The following MSRB3 variants were observed in gnomAD, a reference collection of about 807,000 sequenced individuals.
MSRB3 encodes methionine sulfoxide reductase B3.
In MSRB3, 13 loss-of-function variants were observed where a neutral mutation model predicts 21.0. The observed-to-expected ratio is 0.62, with a 90% CI of 0.40 to 0.98. The LOEUF is 0.98. Ranked by LOEUF, MSRB3 falls within the 50% of genes least tolerant of loss-of-function variation. The pLI is 0.00. For synonymous variants in MSRB3, 87 were observed against 88.6 expected (o/e 0.98, Z 0.10); for missense variants, 199 against 230.3 (o/e 0.86, Z 0.88).
chr12:65,421,719 T>C (rs564642426), intron 5 of MSRB3, among the ~76,000 whole-genome samples: 2 of 152,128 alleles, frequency 1.3e-5, no homozygotes, highest in African/African-American at 4.8e-5. Flanking sequence ...TTATAAGAGA[T>C]CCTGAAAGGA....
intron 5 of MSRB3, among the ~76,000 whole-genome samples, chr12:65,378,584 G>A (rs1176964240): frequency 2.0e-5 from 3 of 152,188 alleles, no homozygotes; most frequent in Non-Finnish European, 2.9e-5. Context: ...ATATGGTTGC[G>A]ATGTGGCCAT....
intron 2 of MSRB3, among the ~76,000 whole-genome samples, chr12:65,321,835 G>A (rs1874686443): frequency 1.3e-5 from 2 of 152,156 alleles, no homozygotes; most frequent in African/African-American, 4.8e-5. Flanking sequence ...GAAAAATAAA[G>A]TATACCACCT....
chr12:65,306,216 T>A (rs1419239543), intron 1 of MSRB3, among the ~76,000 whole-genome samples: 2 of 152,222 alleles, frequency 1.3e-5, no homozygotes, highest in African/African-American at 4.8e-5. Flanking sequence ...TTTATTTTAT[T>A]TACCGCAAAC....
intron 2 of MSRB3, among the ~76,000 whole-genome samples, chr12:65,310,781 C>T (rs1873939728): frequency 6.6e-6 from 1 of 152,218 alleles, no homozygotes; most frequent in Non-Finnish European, 1.5e-5. Flanking sequence ...CATTATGGTA[C>T]AGTGCTTAAG....
intron 5 of MSRB3, among the ~76,000 whole-genome samples, chr12:65,389,721 A>G (rs1879376304): frequency 6.6e-6 from 1 of 152,098 alleles, no homozygotes; most frequent in South Asian, 2.1e-4. Flanking sequence ...CACCTTTGCC[A>G]GTGCTCTCTG....
chr12:65,396,958 T>C (rs1045654913), intron 5 of MSRB3, among the ~76,000 whole-genome samples: 2 of 152,146 alleles, frequency 1.3e-5, no homozygotes, highest in African/African-American at 4.8e-5. Flanking sequence ...AATAGAGGGG[T>C]GTTGAAGTCT....
intron 5 of MSRB3, among the ~76,000 whole-genome samples, chr12:65,396,268 TAGAA>T (rs1158265411): frequency 6.6e-6 from 1 of 152,276 alleles, no homozygotes; most frequent in Non-Finnish European, 1.5e-5. Flanking sequence ...ATGTGCCATT[TAGAA>T]GTATGTTGTT....
chr12:65,369,664 C>G (rs1489797121), intron 5 of MSRB3, among the ~76,000 whole-genome samples: 1 of 152,128 alleles, frequency 6.6e-6, no homozygotes, highest in African/African-American at 2.4e-5. Context: ...ATGTCACTTG[C>G]TGAGATTTAT....
chr12:65,431,638 A>G (rs1446420570), intron 5 of MSRB3, among the ~76,000 whole-genome samples: 5 of 151,986 alleles, frequency 3.3e-5, no homozygotes, highest in Non-Finnish European at 1.5e-5. Flanking sequence ...AAGTCAGGTT[A>G]TAGTGGAAAG....
intron 5 of MSRB3, among the ~76,000 whole-genome samples, chr12:65,371,366 T>C (rs1878315134): frequency 6.7e-6 from 1 of 149,978 alleles, no homozygotes; most frequent in African/African-American, 2.4e-5. Flanking sequence ...AGGTAGCATA[T>C]TGGAACAATT....
chr12:65,377,139 C>A (rs537498354), intron 5 of MSRB3, among the ~76,000 whole-genome samples: 1 of 152,198 alleles, frequency 6.6e-6, no homozygotes, highest in Non-Finnish European at 1.5e-5. Flanking sequence ...CAGCAGTCAG[C>A]CATCTGTTTC....
At chr12:65,396,549 G>A (rs1412757028) in intron 5 of MSRB3, among the ~76,000 whole-genome samples, 2 of 151,952 alleles carry the variant, frequency 1.3e-5, no homozygotes, top group Admixed American at 1.3e-4. Flanking sequence ...AAATTTGCTG[G>A]GTGTGGCAGT....
At chr12:65,293,370 G>A (rs1248216142) in intron 1 of MSRB3, among the ~76,000 whole-genome samples, 3 of 151,978 alleles carry the variant, frequency 2.0e-5, no homozygotes, top group African/African-American at 4.8e-5. Flanking sequence ...TTTTTGGGAC[G>A]AAGTTCCAAA....
rs144801465 is a variant in MSRB3, at chr12:65,399,227, C to A, written c.292+30201C>A. Among the ~76,000 whole-genome samples, 115 of 152,262 alleles carry A rather than the reference C, an allele frequency of 7.6e-4. No homozygotes were observed. The Middle Eastern group carries it at 0.01, about 14-fold the overall frequency. ...GGCCATTTTCATGATATTGATTCTT[C>A]CTATCCATGAGCATGGAATGTTTTT... On this transcript the variant is annotated intron_variant, in intron 5 of 6. Transcript: ENST00000308259.
chr12:65,460,604 A>G (rs1565902197), intron 6 of MSRB3, among the ~76,000 whole-genome samples: 2 of 152,308 alleles, frequency 1.3e-5, no homozygotes, highest in South Asian at 2.1e-4. Context: ...TGGCAAGTAT[A>G]ATGAAGCCAT....
intron 5 of MSRB3, among the ~76,000 whole-genome samples, chr12:65,396,744 G>GA (rs1319275697): frequency 7.4e-6 from 1 of 135,782 alleles, no homozygotes; most frequent in African/African-American, 2.7e-5. Flanking sequence ...AAGAAAGAAA[G>GA]AAAGAAAGAA....
In MSRB3 at chr12:65,466,660, G is replaced by A. The variant is rs948738385; in HGVS notation, c.*3338G>A. 5.9e-5 allele frequency: 9 copies of A among 152,276 alleles called. No individual in the cohort carries two copies. The highest frequency in any genetic ancestry group is 3.4e-3 in the Middle Eastern group (1 of 294). 9.4% of individuals were successfully genotyped at this position (152,276 alleles called of 1,614,324 possible). A position where few individuals can be genotyped will look rare whatever the true frequency, so the allele number is the denominator to read the frequency against. Reference sequence around the variant, plus strand: ...CATTTAAATTCTTAATGCAAATGACGTAGCAATTTGAAAACTTCTCCGTAT... The same window carrying A: ...CATTTAAATTCTTAATGCAAATGACATAGCAATTTGAAAACTTCTCCGTAT... On this transcript the variant is annotated 3_prime_UTR_variant, in exon 7 of 7. Coordinates refer to ENST00000308259, the MANE Select transcript of MSRB3 (RefSeq NM_001031679.3).
At chr12:65,337,396 CG>C (rs1845905017) in intron 4 of MSRB3, among the ~76,000 whole-genome samples, 1 of 146,172 alleles carries the variant, frequency 6.8e-6, no homozygotes. Context: ...ATCACACCAC[CG>C]TACTCCAGCC....
chr12:65,378,210 ATGAG>A (rs1333761487), intron 5 of MSRB3, among the ~76,000 whole-genome samples: 2 of 152,324 alleles, frequency 1.3e-5, no homozygotes, highest in African/African-American at 4.8e-5. Context: ...AAATGATTGA[ATGAG>A]TGGCCAGGAA....
Sources: allele counts gnomAD v4.1 joint callset (sites outside exome capture counted in the v4.1 genomes callset), GRCh38; gene constraint gnomAD v4.1.1; transcripts MANE v1.5; gene names NCBI Gene and HGNC (gene_info 2026-07-23, HGNC 2026-07-21).